Variants in DLG2 observed in about 807,000 individuals in gnomAD.
DLG2 encodes the protein disks large homolog 2.
Under a neutral mutation model 132.5 loss-of-function variants are expected in DLG2, and 45 were observed. The observed-to-expected ratio is 0.34, with a 90% CI of 0.27 to 0.44. The LOEUF is 0.44. DLG2 is among the 20% of genes least tolerant of loss of function. The probability of loss-of-function intolerance (pLI) is 1.00; values close to 1 mark genes in which losing one functional copy is unlikely to be tolerated. For synonymous variants in DLG2, 424 were observed against 419.6 expected (o/e 1.01, Z -0.13); for missense variants, 1,045 against 1,196.9 (o/e 0.87, Z 1.87).
chr11:84,988,196 C>T (rs2056710725), intron 6 of DLG2, among the ~76,000 whole-genome samples: 1 of 152,124 alleles, frequency 6.6e-6, no homozygotes, highest in Admixed American at 6.5e-5. Flanking sequence ...AATTTGATAC[C>T]ACCTTACTCC....
At chr11:84,108,454 G>A (rs1396571090) in intron 9 of DLG2, among the ~76,000 whole-genome samples, 1 of 152,112 alleles carries the variant, frequency 6.6e-6, no homozygotes, top group African/African-American at 2.4e-5. Flanking sequence ...TAGGGTAGAA[G>A]GAGAGAACAG....
chr11:85,309,060 G>A (rs2080148212), intron 3 of DLG2, among the ~76,000 whole-genome samples: 1 of 152,060 alleles, frequency 6.6e-6, no homozygotes, highest in African/African-American at 2.4e-5. Flanking sequence ...ATGCCAATCT[G>A]AGCCCAGGTC....
intron 21 of DLG2, among the ~76,000 whole-genome samples, chr11:83,526,539 C>T (rs1246241158): frequency 6.6e-6 from 1 of 152,136 alleles, no homozygotes; most frequent in Non-Finnish European, 1.5e-5. Context: ...CCTCATAATG[C>T]AGCCTGTATA....
chr11:83,937,712 C>T (rs1215978611), intron 14 of DLG2, among the ~76,000 whole-genome samples: 1 of 151,960 alleles, frequency 6.6e-6, no homozygotes, highest in African/African-American at 2.4e-5. Context: ...GACAAATACA[C>T]ACACACATAT....
rs536574052 is a variant in DLG2 at position 84,462,014 on chromosome 11, G to A, written c.519+72556C>T. ...AAGACAGGAGATCAAGATCCTTGGC[G>A]AAATGTCATCAACGTTAAGTAGATT... On this transcript the variant is annotated intron_variant, in intron 7 of 27. Coordinates refer to ENST00000376104, the MANE Select transcript of DLG2 (RefSeq NM_001142699.3). 6.0e-5 allele frequency among the ~76,000 whole-genome samples: 9 copies of A among 151,012 alleles called. No homozygotes were observed. In the East Asian group the frequency reaches 1.2e-3, roughly 20 times the overall value.
At chr11:85,495,729 C>T (rs980512585) in intron 3 of DLG2, among the ~76,000 whole-genome samples, 2 of 152,170 alleles carry the variant, frequency 1.3e-5, no homozygotes, top group African/African-American at 4.8e-5. Context: ...GTGGCAATTC[C>T]TCAAGGATCT....
intron 6 of DLG2, among the ~76,000 whole-genome samples, chr11:84,661,398 G>A (rs1378785388): frequency 6.6e-6 from 1 of 152,068 alleles, no homozygotes; most frequent in Non-Finnish European, 1.5e-5. Context: ...GTATATCATC[G>A]TGGGGACCCA....
intron 3 of DLG2, among the ~76,000 whole-genome samples, chr11:85,291,477 G>A (rs2078885104): frequency 6.6e-6 from 1 of 152,152 alleles, no homozygotes; most frequent in South Asian, 2.1e-4. Flanking sequence ...CCCCTGTGGA[G>A]GTTGTTAGTG....
chr11:84,903,788 TG>T (rs1267491366), intron 6 of DLG2, among the ~76,000 whole-genome samples: 1 of 152,132 alleles, frequency 6.6e-6, no homozygotes, highest in Admixed American at 6.6e-5. Context: ...TACATAGAAA[TG>T]TTTTTTGGTT....
intron 7 of DLG2, among the ~76,000 whole-genome samples, chr11:84,470,380 C>T (rs1472262393): frequency 6.6e-6 from 1 of 151,688 alleles, no homozygotes; most frequent in Non-Finnish European, 1.5e-5. Flanking sequence ...TTTCCTATTT[C>T]AGCCATGTTA....
At chr11:83,859,832 C>T (rs556245289) in intron 16 of DLG2, among the ~76,000 whole-genome samples, 14 of 152,194 alleles carry the variant, frequency 9.2e-5, no homozygotes, top group East Asian at 7.8e-4. Flanking sequence ...ATGGTTTTGT[C>T]GGCCAGGCCC....
In DLG2 at chr11:84,928,980, G is replaced by GTATA. The variant is rs1385905913; in HGVS notation, c.357+182680_357+182681insTATA. Among the ~76,000 whole-genome samples, 88 of 40,198 alleles carry GTATA rather than the reference G, an allele frequency of 2.2e-3. 1 individual carries two copies. Among genetic ancestry groups the GTATA allele is most frequent in the South Asian group, 7.1e-3 (6 of 844 alleles). 26.4% of individuals were successfully genotyped at this position (40,198 alleles called of 152,430 possible). ...GATATGTGTGTGTGTGTGTGTGTGT[G>GTATA]TGTATATATATATATATATATATAT... On this transcript the variant is annotated intron_variant, in intron 6 of 27. Coordinates refer to ENST00000376104, the MANE Select transcript of DLG2 (RefSeq NM_001142699.3).
chr11:83,962,818 T>C (rs2089187925), intron 14 of DLG2, 67 bp downstream of exon 14: 2 of 1,580,056 alleles, frequency 1.3e-6, no homozygotes, highest in Non-Finnish European at 1.7e-6. Context: ...ACACCTGACA[T>C]GTTAGGCAAA....
At chr11:84,027,778 TA>T (rs1170780261) in intron 11 of DLG2, among the ~76,000 whole-genome samples, 2 of 152,114 alleles carry the variant, frequency 1.3e-5, no homozygotes, top group African/African-American at 2.4e-5. Flanking sequence ...GAATGATGTT[TA>T]AAATTTTACT....
At chr11:85,088,352 A>G (rs2068262741) in intron 6 of DLG2, among the ~76,000 whole-genome samples, 1 of 152,212 alleles carries the variant, frequency 6.6e-6, no homozygotes, top group South Asian at 2.1e-4. Context: ...ATGCATTTTT[A>G]TTTTAAGAGC....
intron 2 of DLG2, among the ~76,000 whole-genome samples, chr11:85,609,268 A>G (rs2080817873): frequency 6.6e-6 from 1 of 152,188 alleles, no homozygotes; most frequent in Admixed American, 6.5e-5. Context: ...TACATTTATT[A>G]CCCAATCAGC....
chr11:84,502,200 C>CTCTCTCTCTCCT (rs2099210772), intron 7 of DLG2, among the ~76,000 whole-genome samples: 2 of 9,842 alleles, frequency 2.0e-4, no homozygotes, highest in Non-Finnish European at 1.9e-4. Context: ...CTCTCTCTCT[C>CTCTCTCTCTCCT]TCCTTCCTTC....
intron 6 of DLG2, among the ~76,000 whole-genome samples, chr11:84,976,886 T>A (rs2054981717): frequency 6.6e-6 from 1 of 152,214 alleles, no homozygotes; most frequent in African/African-American, 2.4e-5. Flanking sequence ...GAAAGAAATC[T>A]GTGCTTTGGA....
intron 6 of DLG2, among the ~76,000 whole-genome samples, chr11:84,927,036 A>G (rs2093001867): frequency 6.6e-6 from 1 of 151,964 alleles, no homozygotes; most frequent in Non-Finnish European, 1.5e-5. Context: ...GGACTAGTTG[A>G]TTTTCACCTT....
Sources: gnomAD v4.1 joint callset for allele counts (sites outside exome capture counted in the v4.1 genomes callset) on GRCh38, gnomAD v4.1.1 for gene constraint, MANE v1.5 for transcripts, NCBI Gene and HGNC (gene_info 2026-07-23, HGNC 2026-07-21) for gene names.